JAM2: variants seen among roughly 807,000 people sequenced by gnomAD.
JAM2 encodes junctional adhesion molecule 2.
A neutral mutation model predicts 42.0 loss-of-function variants in JAM2; 17 were observed. That is an observed-to-expected ratio of 0.40 (90% CI 0.28 to 0.61). The LOEUF is 0.61. Ranked by LOEUF, JAM2 falls within the 20% of genes least tolerant of loss-of-function variation. JAM2 has a pLI of 0.37. For synonymous variants in JAM2, 118 were observed against 128.6 expected (o/e 0.92, Z 0.56); for missense variants, 319 against 358.3 (o/e 0.89, Z 0.89).
intron 7 of JAM2, among the ~76,000 whole-genome samples, chr21:25,707,437 A>T (rs937686702): frequency 6.6e-6 from 1 of 152,126 alleles, no homozygotes; most frequent in Non-Finnish European, 1.5e-5. Flanking sequence ...AGCCAAGATC[A>T]TGCCACTCCA....
chr21:25,701,825 T>C (rs182216294), intron 5 of JAM2, among the ~76,000 whole-genome samples: 1 of 152,158 alleles, frequency 6.6e-6, no homozygotes, highest in Non-Finnish European at 1.5e-5. Context: ...ATAAATGATG[T>C]TTCCTAGGAA....
At chr21:25,709,641 C>G in intron 8 of JAM2, 192 bp downstream of exon 8, 2 of 421,520 alleles carry the variant, frequency 4.7e-6, no homozygotes, top group Non-Finnish European at 4.4e-6. Context: ...ATACCCGAGA[C>G]TGGGTAGTTT....
intron 1 of JAM2, among the ~76,000 whole-genome samples, chr21:25,669,757 A>G (rs543478037): frequency 2.2e-4 from 34 of 152,366 alleles, no homozygotes; most frequent in Admixed American, 2.0e-3. Context: ...TCCTAAAGAC[A>G]GAATGATTCT....
At chr21:25,712,188 A>G in intron 8 of JAM2, 152 bp from the exon 9 acceptor site, 1 of 670,150 alleles carries the variant, frequency 1.5e-6, no homozygotes, top group East Asian at 2.8e-5. Context: ...AATATAAGAA[A>G]TTCAGTAAGA....
At chr21:25,639,947 GC>G (rs972104825) in intron 1 of JAM2, 59 bp downstream of exon 1, 1 of 1,232,388 alleles carries the variant, frequency 8.1e-7, no homozygotes, top group Non-Finnish European at 1.1e-6. Context: ...CCACCCTCCA[GC>G]CCCCCACGGG....
At chr21:25,645,512 A>G (rs1236173592) in intron 1 of JAM2, among the ~76,000 whole-genome samples, 1 of 152,172 alleles carries the variant, frequency 6.6e-6, no homozygotes, top group Non-Finnish European at 1.5e-5. Flanking sequence ...GGGGGGAGTC[A>G]AACTGGGGAG....
intron 6 of JAM2, among the ~76,000 whole-genome samples, chr21:25,705,159 A>G (rs1453742957): frequency 2.0e-5 from 3 of 152,286 alleles, no homozygotes; most frequent in African/African-American, 7.2e-5. Flanking sequence ...CCATATACAT[A>G]TAATTGTATA....
chr21:25,668,491 T>C (rs1601012338), intron 1 of JAM2, among the ~76,000 whole-genome samples: 1 of 152,168 alleles, frequency 6.6e-6, no homozygotes, highest in Non-Finnish European at 1.5e-5. Context: ...TAGGTTTTGC[T>C]AATGAATAGG....
intron 1 of JAM2, among the ~76,000 whole-genome samples, chr21:25,643,023 G>A (rs752798560): frequency 9.9e-5 from 15 of 152,182 alleles, no homozygotes; most frequent in African/African-American, 2.4e-4. Flanking sequence ...CTTTGTAAGC[G>A]CACTGTTGTC....
At chr21:25,709,032 T>C (rs1213463609) in intron 7 of JAM2, among the ~76,000 whole-genome samples, 1 of 152,154 alleles carries the variant, frequency 6.6e-6, no homozygotes, top group East Asian at 1.9e-4. Context: ...ACAATCTATT[T>C]GATGATAGGG....
intron 4 of JAM2, among the ~76,000 whole-genome samples, chr21:25,694,715 C>T (rs937068803): frequency 1.3e-5 from 2 of 151,916 alleles, no homozygotes. Context: ...TGTTATGCAC[C>T]TGTAGTCTCA....
At chr21:25,698,974 C>T in intron 5 of JAM2, 95 bp downstream of exon 5, 2 of 1,097,180 alleles carry the variant, frequency 1.8e-6, no homozygotes, top group South Asian at 1.4e-5. Flanking sequence ...GAGCTGATAC[C>T]ATTGCTTGCT....
chr21:25,699,722 CAAAAAAAAAAAAAAA>C (rs59490509), intron 5 of JAM2, among the ~76,000 whole-genome samples: 7 of 41,922 alleles, frequency 1.7e-4, no homozygotes, highest in Non-Finnish European at 2.8e-4. Context: ...GGCTCCGTCT[CAAAAAAAAAAAAAAA>C]AAAAAAAAAA....
chr21:25,642,636 C>T (rs1030233910), intron 1 of JAM2, among the ~76,000 whole-genome samples: 6 of 151,784 alleles, frequency 4.0e-5, no homozygotes, highest in African/African-American at 1.5e-4. Context: ...TGTCAGTATC[C>T]CTGTTGATAT....
chr21:25,712,436 G>A (rs2034403593), intron 9 of JAM2, 54 bp downstream of exon 9: 2 of 1,222,648 alleles, frequency 1.6e-6, no homozygotes, highest in African/African-American at 3.0e-5. Context: ...GAATAGGGCA[G>A]GGAAATGAAG....
rs1371823270 is a variant in JAM2, at chr21:25,657,445, A to G, written c.67+17557A>G. Among the ~76,000 whole-genome samples the G allele has an allele frequency of 5.9e-5, 9 of 152,350 alleles. No individual in the cohort carries two copies. The South Asian group carries it at 1.0e-3, about 18-fold the overall frequency. ...TTTAAACTCATTAATTTTATGAATT[A>G]TATTTGTAATATGTATTTGCCAGTG... On this transcript the variant is annotated intron_variant, in intron 1 of 9. Transcript: ENST00000480456.
At chr21:25,657,925 A>T (rs2032982832) in intron 1 of JAM2, among the ~76,000 whole-genome samples, 1 of 152,210 alleles carries the variant, frequency 6.6e-6, no homozygotes, top group Non-Finnish European at 1.5e-5. Context: ...AGGCTCCAAA[A>T]ATGCTGGATA....
chr21:25,672,648 A>G (rs1393085127), intron 1 of JAM2, among the ~76,000 whole-genome samples: 2 of 152,210 alleles, frequency 1.3e-5, no homozygotes, highest in African/African-American at 4.8e-5. Context: ...CCTAATTTAT[A>G]TAGCTCTCAA....
chr21:25,672,223 T>C (rs1156316990), intron 1 of JAM2, among the ~76,000 whole-genome samples: 1 of 152,168 alleles, frequency 6.6e-6, no homozygotes, highest in Non-Finnish European at 1.5e-5. Context: ...TAACTGGGAT[T>C]ACAGGTGCAT....
Sources: allele counts gnomAD v4.1 joint callset (sites outside exome capture counted in the v4.1 genomes callset), GRCh38; gene constraint gnomAD v4.1.1; transcripts MANE v1.5; gene names NCBI Gene and HGNC (gene_info 2026-07-23, HGNC 2026-07-21).